Variants in BLTP3A observed in about 807,000 individuals in gnomAD.
BLTP3A encodes ICBP90 binding protein 1.
chr6:34,856,065 A>G, the BLTP3A span, among the ~76,000 whole-genome samples: 2 of 152,196 alleles, frequency 1.3e-5, no homozygotes, highest in African/African-American at 2.4e-5. Context: ...AAAATCACAT[A>G]TGGAACCCAG....
At chr6:34,823,525 ATTC>A in the BLTP3A span, among the ~76,000 whole-genome samples, 6 of 150,200 alleles carry the variant, frequency 4.0e-5, no homozygotes, top group Non-Finnish European at 8.9e-5. Flanking sequence ...ACACTTTGTC[ATTC>A]TTCTTCTTCT....
the BLTP3A span, among the ~76,000 whole-genome samples, chr6:34,812,663 T>C: frequency 1.3e-5 from 2 of 150,524 alleles, no homozygotes; most frequent in Admixed American, 1.3e-4. Context: ...AGAGACAGGG[T>C]CTCGCTTTGT....
chr6:34,864,052 G>A, the BLTP3A span: 2 of 1,613,854 alleles, frequency 1.2e-6, no homozygotes, highest in South Asian at 1.1e-5. Context: ...GTGAGTGGAG[G>A]TGCTGCACGA....
chr6:34,835,131 A>T, the BLTP3A span, among the ~76,000 whole-genome samples: 1 of 152,016 alleles, frequency 6.6e-6, no homozygotes, highest in Non-Finnish European at 1.5e-5. Flanking sequence ...TTTTTAATTA[A>T]GGAAACTTTA....
At chr6:34,856,118 G>C in the BLTP3A span, 140 of 1,324,750 alleles carry the variant, frequency 1.1e-4, no homozygotes, top group African/African-American at 2.0e-3. Context: ...CCTTATCCTA[G>C]AGATTTCTGC....
chr6:34,853,703 A>G, the BLTP3A span, among the ~76,000 whole-genome samples: 7 of 151,752 alleles, frequency 4.6e-5, no homozygotes, highest in African/African-American at 1.7e-4. Flanking sequence ...TGGGATTACA[A>G]GCGTGTGCCA....
chr6:34,794,230 GA>G, the BLTP3A span, among the ~76,000 whole-genome samples: 1 of 51,622 alleles, frequency 1.9e-5, no homozygotes, highest in African/African-American at 2.2e-4. Context: ...AAATGCTTGA[GA>G]GGATGGATAC....
At chr6:34,860,842 G>T in the BLTP3A span, among the ~76,000 whole-genome samples, 2 of 152,128 alleles carry the variant, frequency 1.3e-5, no homozygotes, top group Admixed American at 1.3e-4. Context: ...AAGAGCAGAG[G>T]TGAAAAAGAG....
At chr6:34,816,175 A>T in the BLTP3A span, among the ~76,000 whole-genome samples, 1,259 of 152,382 alleles carry the variant, frequency 8.3e-3, 17 homozygotes, top group African/African-American at 0.028. Flanking sequence ...CTTACTTAGT[A>T]TAATCACTCA....
At chr6:34,864,274 G>C in the BLTP3A span, 1 of 1,349,646 alleles carries the variant, frequency 7.4e-7, no homozygotes, top group Non-Finnish European at 1.0e-6. Flanking sequence ...CAGACTGGCA[G>C]GGCTAAAGAG....
the BLTP3A span, chr6:34,834,715 T>C: frequency 1.2e-6 from 2 of 1,613,340 alleles, no homozygotes; most frequent in Non-Finnish European, 1.7e-6. Context: ...CTTTCTCTCC[T>C]TCCAGGTTTT....
the BLTP3A span, chr6:34,856,351 G>C: frequency 6.2e-7 from 1 of 1,614,084 alleles, no homozygotes; most frequent in Admixed American, 1.7e-5. Flanking sequence ...GGCATGAAGA[G>C]ACGGGTCTGA....
At chr6:34,830,277 C>T in the BLTP3A span, among the ~76,000 whole-genome samples, 1 of 151,888 alleles carries the variant, frequency 6.6e-6, no homozygotes, top group South Asian at 2.1e-4. Context: ...TCAATCATGA[C>T]TCCATGTATT....
the BLTP3A span, chr6:34,856,191 A>G: frequency 1.7e-5 from 27 of 1,582,896 alleles, no homozygotes; most frequent in Non-Finnish European, 2.3e-5. Context: ...AAATTGGAAC[A>G]TTCATCATGA....
At chr6:34,855,725 G>A in the BLTP3A span, 2 of 1,612,470 alleles carry the variant, frequency 1.2e-6, no homozygotes, top group Non-Finnish European at 1.7e-6. Flanking sequence ...TCTGAATGGG[G>A]CCAATTCTCG....
At chr6:34,869,549 CATG>C in the BLTP3A span, among the ~76,000 whole-genome samples, 6 of 149,004 alleles carry the variant, frequency 4.0e-5, 1 homozygote, top group South Asian at 1.1e-3. Context: ...TTTCAAGTAA[CATG>C]ATATTCTTTA....
chr6:34,869,864 G>C, the BLTP3A span, among the ~76,000 whole-genome samples: 1 of 151,654 alleles, frequency 6.6e-6, no homozygotes, highest in Non-Finnish European at 1.5e-5. Flanking sequence ...GCTCAGGATG[G>C]TCTTGAACTC....
At chr6:34,868,097 A>G in the BLTP3A span, among the ~76,000 whole-genome samples, 11,849 of 151,308 alleles carry the variant, frequency 0.078, 714 homozygotes, top group East Asian at 0.24. Flanking sequence ...ACCTGAGGTC[A>G]GGAGTTCGAG....
the BLTP3A span, chr6:34,859,641 C>T: frequency 3.8e-6 from 6 of 1,570,798 alleles, no homozygotes; most frequent in Non-Finnish European, 5.2e-6. Context: ...GGTTTAAGGC[C>T]TCTTACTATG....
Sources: allele counts gnomAD v4.1 joint callset (sites outside exome capture counted in the v4.1 genomes callset), GRCh38; gene constraint gnomAD v4.1.1; transcripts MANE v1.5; gene names NCBI Gene and HGNC (gene_info 2026-07-23, HGNC 2026-07-21).